The following GAB2 variants were observed in gnomAD, a reference collection of about 807,000 sequenced individuals.
The protein encoded by GAB2 is GRB2 associated binding protein 2, also known as GRB2-associated-binding protein 2.
A neutral mutation model predicts 65.5 loss-of-function variants in GAB2; 26 were observed. That is an observed-to-expected ratio of 0.40 (90% CI 0.29 to 0.55). GAB2 has a LOEUF of 0.55. Ranked by LOEUF, GAB2 falls within the 20% of genes least tolerant of loss-of-function variation. The probability of loss-of-function intolerance (pLI) is 0.53; values close to 1 mark genes in which losing one functional copy is unlikely to be tolerated. For missense variants in GAB2, 884 were observed against 875.8 expected (o/e 1.01, Z -0.12); for synonymous variants, 321 against 329.6 (o/e 0.97, Z 0.28).
At chr11:78,252,473 T>C (rs1429986720) in intron 2 of GAB2, among the ~76,000 whole-genome samples, 1 of 152,132 alleles carries the variant, frequency 6.6e-6, no homozygotes, top group Non-Finnish European at 1.5e-5. Flanking sequence ...TACAAGCTAC[T>C]GCCTAAGAAG....
intron 1 of GAB2, among the ~76,000 whole-genome samples, chr11:78,356,766 A>G (rs1856364720): frequency 6.6e-6 from 1 of 152,258 alleles, no homozygotes; most frequent in South Asian, 2.1e-4. Flanking sequence ...TTCACTGACA[A>G]AGAGTGGATT....
At chr11:78,328,449 A>G (rs1378755783) in intron 1 of GAB2, among the ~76,000 whole-genome samples, 2 of 152,250 alleles carry the variant, frequency 1.3e-5, no homozygotes, top group African/African-American at 4.8e-5. Context: ...AAAACTGACA[A>G]AAAGTCTATT....
chr11:78,390,414 C>T (rs150241422), intron 1 of GAB2, among the ~76,000 whole-genome samples: 28 of 152,010 alleles, frequency 1.8e-4, no homozygotes, highest in Non-Finnish European at 3.1e-4. Context: ...AGTGAGATCC[C>T]GTATCTACAA....
intron 1 of GAB2, among the ~76,000 whole-genome samples, chr11:78,377,902 G>A (rs145145947): frequency 5.5e-4 from 83 of 152,280 alleles, no homozygotes; most frequent in African/African-American, 1.8e-3. Flanking sequence ...CTGGATACTT[G>A]TTTTACTATC....
At chr11:78,290,425 A>T (rs990190686) in intron 1 of GAB2, among the ~76,000 whole-genome samples, 1 of 152,196 alleles carries the variant, frequency 6.6e-6, no homozygotes, top group Non-Finnish European at 1.5e-5. Context: ...TATGACCTGG[A>T]AGTTGCATCA....
At chr11:78,338,291 A>C (rs1188489710) in intron 1 of GAB2, among the ~76,000 whole-genome samples, 1 of 152,212 alleles carries the variant, frequency 6.6e-6, no homozygotes, top group East Asian at 1.9e-4. Context: ...AACTGGAGGT[A>C]TCCACATGTC....
chr11:78,290,709 G>GC (rs1199960355), intron 1 of GAB2, among the ~76,000 whole-genome samples: 2 of 152,160 alleles, frequency 1.3e-5, no homozygotes, highest in Non-Finnish European at 2.9e-5. Flanking sequence ...ATAAAGGGCC[G>GC]CCAATATGTG....
At chr11:78,225,260 C>A (rs766116949) in intron 4 of GAB2, 58 bp from the exon 5 acceptor site, 19 of 1,118,146 alleles carry the variant, frequency 1.7e-5, no homozygotes, top group Non-Finnish European at 2.6e-5. Flanking sequence ...TTGACACTTA[C>A]CCATACCCTC....
chr11:78,235,134 A>G (rs904989051), intron 3 of GAB2, among the ~76,000 whole-genome samples: 2 of 151,734 alleles, frequency 1.3e-5, no homozygotes, highest in Non-Finnish European at 2.9e-5. Context: ...AGCCGGTTTG[A>G]TTTTCTCCCC....
intron 6 of GAB2, among the ~76,000 whole-genome samples, chr11:78,222,859 A>C (rs1316683018): frequency 2.6e-5 from 4 of 152,206 alleles, no homozygotes; most frequent in Non-Finnish European, 5.9e-5. Context: ...TTGGGGTTAC[A>C]GGCGTACAGG....
intron 3 of GAB2, among the ~76,000 whole-genome samples, chr11:78,248,976 T>G (rs1294576906): frequency 6.6e-6 from 1 of 152,232 alleles, no homozygotes; most frequent in Non-Finnish European, 1.5e-5. Flanking sequence ...TTGATGGAAG[T>G]TGAACTAGTG....
chr11:78,412,522 C>T (rs542400962), intron 1 of GAB2, among the ~76,000 whole-genome samples: 1 of 151,980 alleles, frequency 6.6e-6, no homozygotes, highest in Non-Finnish European at 1.5e-5. Context: ...GTAGTGAATA[C>T]GATTATAAAA....
chr11:78,375,859 A>C (rs931174607), intron 1 of GAB2, among the ~76,000 whole-genome samples: 1 of 152,146 alleles, frequency 6.6e-6, no homozygotes, highest in East Asian at 1.9e-4. Context: ...CAGAAGCTTC[A>C]TACACAGACT....
intron 1 of GAB2, among the ~76,000 whole-genome samples, chr11:78,356,876 T>C (rs998035319): frequency 2.0e-5 from 3 of 152,226 alleles, no homozygotes; most frequent in African/African-American, 4.8e-5. Flanking sequence ...AGACTTACGC[T>C]AAGTGAAATA....
rs537507663 is a variant in GAB2, at chr11:78,389,862, CT to C, written c.75+27783del. Reference sequence around the variant, plus strand: ...GTTTACTATCATTCTTTTGTTATACCTTTCTCTCTCGCAATGCCTAGCTGAA... The same window carrying C: ...GTTTACTATCATTCTTTTGTTATACCTTCTCTCTCGCAATGCCTAGCTGAA... On this transcript the variant is annotated intron_variant, in intron 1 of 9. Coordinates refer to ENST00000361507, the MANE Select transcript of GAB2 (RefSeq NM_080491.3). Among the ~76,000 whole-genome samples the C allele has an allele frequency of 3.0e-3, 459 of 152,262 alleles. 1 individual carries two copies. The highest frequency in any genetic ancestry group is 0.01 in the African/African-American group (426 of 41,550).
rs115709202 is a variant in GAB2 at position 78,304,601 on chromosome 11, A to T, written c.76-23700T>A. ...TCCTTATTGCCTAGCAGTGCTTTTC[A>T]ACCAGTGATGAAGTGCCAAGTTATT... On this transcript the variant is annotated intron_variant, in intron 1 of 9. Coordinates refer to ENST00000361507, the MANE Select transcript of GAB2 (RefSeq NM_080491.3). Among the ~76,000 whole-genome samples, 620 of 152,346 alleles carry T rather than the reference A, an allele frequency of 4.1e-3. 2 individuals carry two copies. The highest frequency in any genetic ancestry group is 0.013 in the African/African-American group (540 of 41,566).
chr11:78,386,927 C>A (rs1565181256), intron 1 of GAB2, among the ~76,000 whole-genome samples: 1 of 152,296 alleles, frequency 6.6e-6, no homozygotes, highest in East Asian at 1.9e-4. Flanking sequence ...TAAATGTTGG[C>A]CAAGCCTTCT....
At position 78,364,558 on chromosome 11, in the gene GAB2, C is replaced by T. The variant is rs971248485; in HGVS notation, c.75+53088G>A. On this transcript the variant is annotated intron_variant, in intron 1 of 9. Transcript: ENST00000361507. ...TCATTACCATTGATTTCATCACCTA[C>T]GAATAGAGCTCAATCCCCATTTTGT... is the stretch of plus-strand genomic sequence containing the variant. Among the ~76,000 whole-genome samples, 139 of 152,206 alleles carry T rather than the reference C, an allele frequency of 9.1e-4. 1 individual carries two copies. Among genetic ancestry groups the T allele is most frequent in the Admixed American group, 8.7e-3 (133 of 15,292 alleles).
intron 1 of GAB2, among the ~76,000 whole-genome samples, chr11:78,330,666 C>T (rs1855899468): frequency 6.6e-6 from 1 of 152,190 alleles, no homozygotes; most frequent in African/African-American, 2.4e-5. Context: ...TACTTAGCAT[C>T]TTATGCATAG....
Sources: allele counts gnomAD v4.1 joint callset (sites outside exome capture counted in the v4.1 genomes callset), GRCh38; gene constraint gnomAD v4.1.1; transcripts MANE v1.5; gene names NCBI Gene and HGNC (gene_info 2026-07-23, HGNC 2026-07-21).